MADD: variants seen among roughly 807,000 people sequenced by gnomAD.
The protein encoded by MADD is MAP kinase activating death domain, also known as MAP kinase-activating death domain protein.
MADD carries 109 observed loss-of-function variants against 176.7 expected under a neutral mutation model. That is an observed-to-expected ratio of 0.62 (90% CI 0.53 to 0.72). The LOEUF (loss-of-function observed/expected upper bound fraction) is 0.72, where lower values mean the gene tolerates loss of function less well. MADD is among the 30% of genes least tolerant of loss of function. The pLI is 0.00. For synonymous variants in MADD, 771 were observed against 771.3 expected (o/e 1.00, Z 0.01); for missense variants, 1,914 against 2,045.5 (o/e 0.94, Z 1.24).
At chr11:47,327,529 T>A (rs1343964901) in intron 31 of MADD, 1 of 985,266 alleles carries the variant, frequency 1.0e-6, no homozygotes, top group East Asian at 1.1e-4. Context: ...TCGAACCAGC[T>A]CCTCACACTG....
intron 25 of MADD, 134 bp downstream of exon 28, chr11:47,309,746 T>C: frequency 1.5e-6 from 1 of 652,328 alleles, no homozygotes; most frequent in Non-Finnish European, 2.7e-6. Flanking sequence ...ATTGAAAGTC[T>C]GAGGCCTCTC....
At chr11:47,300,037 T>G (rs1276713471) in intron 22 of MADD, among the ~76,000 whole-genome samples, 2 of 152,160 alleles carry the variant, frequency 1.3e-5, no homozygotes, top group African/African-American at 4.8e-5. Flanking sequence ...ATGACTTTTA[T>G]TGTTTTGAGG....
At chr11:47,327,603 G>T in intron 31 of MADD, 1 of 985,022 alleles carries the variant, frequency 1.0e-6, no homozygotes, top group Non-Finnish European at 1.2e-6. Flanking sequence ...CCTTCTCACC[G>T]GCTCACTGGA....
At chr11:47,290,567 CCTACT>C in intron 18 of MADD, 38 bp from the exon 20 acceptor site, 1 of 1,577,434 alleles carries the variant, frequency 6.3e-7, no homozygotes, top group Non-Finnish European at 8.7e-7. Flanking sequence ...CGCCTTGATT[CCTACT>C]CACTACTTCT....
intron 22 of MADD, among the ~76,000 whole-genome samples, chr11:47,308,011 A>G (rs1202496283): frequency 6.6e-6 from 1 of 152,234 alleles, no homozygotes; most frequent in African/African-American, 2.4e-5. Flanking sequence ...GAAGTAGCAG[A>G]TGAAGTTAGT....
At chr11:47,276,005 C>T (rs181204693) in exon 4 of MADD, 56 of 1,614,168 alleles carry the variant, frequency 3.5e-5, no homozygotes, top group Middle Eastern at 1.6e-4. Flanking sequence ...TCGATTGCTG[C>T]GCTCCCCAGT....
At chr11:47,290,644 T>C in exon 19 of MADD, 1 of 1,613,892 alleles carries the variant, frequency 6.2e-7, no homozygotes, top group Non-Finnish European at 8.5e-7. Context: ...CAACAGAAAG[T>C]GTAAATACCC....
At chr11:47,328,897 C>A in intron 32 of MADD, 149 bp from the exon 37 acceptor site, 1 of 935,714 alleles carries the variant, frequency 1.1e-6, no homozygotes, top group Non-Finnish European at 1.7e-6. Flanking sequence ...ATCCCCTCTC[C>A]CATGGGGACA....
chr11:47,324,959 T>G, intron 30 of MADD: 6 of 574,584 alleles, frequency 1.0e-5, no homozygotes, highest in East Asian at 3.0e-5. Flanking sequence ...GAGTCTAGAC[T>G]GGCCGATCTC....
intron 27 of MADD, among the ~76,000 whole-genome samples, chr11:47,316,910 A>G (rs1473823694): frequency 1.3e-5 from 2 of 148,626 alleles, no homozygotes; most frequent in African/African-American, 5.0e-5. Flanking sequence ...TGCCCAGATA[A>G]TTTTTCTATT....
intron 26 of MADD, 116 bp from the exon 30 acceptor site, chr11:47,315,104 A>C (rs2092339857): frequency 1.7e-6 from 1 of 572,238 alleles, no homozygotes; most frequent in East Asian, 3.0e-5. Context: ...AGTGGCCAGC[A>C]GATGAGACTG....
At chr11:47,304,336 T>C (rs976862641) in intron 22 of MADD, among the ~76,000 whole-genome samples, 10 of 151,808 alleles carry the variant, frequency 6.6e-5, no homozygotes, top group African/African-American at 2.4e-4. Context: ...GTTAAAGCAA[T>C]TCTCCTGCCT....
intron 4 of MADD, among the ~76,000 whole-genome samples, chr11:47,276,502 T>G (rs981820847): frequency 2.6e-5 from 4 of 152,176 alleles, no homozygotes; most frequent in Non-Finnish European, 5.9e-5. Flanking sequence ...GGATGGGCAG[T>G]ACAAGAACTA....
At chr11:47,281,728 G>T (rs1006426900) in exon 8 of MADD, 16 of 1,607,260 alleles carry the variant, frequency 1.0e-5, no homozygotes, top group Non-Finnish European at 1.4e-5. Context: ...TGGCAATGAT[G>T]TGGATTCTGT....
At chr11:47,286,635 G>T in intron 15 of MADD, 101 bp downstream of exon 15, 1 of 838,424 alleles carries the variant, frequency 1.2e-6, no homozygotes, top group South Asian at 1.6e-5. Context: ...CCTTTGACCT[G>T]GTTGTCGTCC....
intron 31 of MADD, chr11:47,327,078 C>T (rs1212243182): frequency 8.5e-7 from 1 of 1,177,874 alleles, no homozygotes; most frequent in Non-Finnish European, 1.1e-6. Context: ...AGTAGCACCA[C>T]CTCCCCGTGC....
chr11:47,296,940 A>G (rs997130512), intron 22 of MADD, among the ~76,000 whole-genome samples: 59 of 151,956 alleles, frequency 3.9e-4, no homozygotes, highest in African/African-American at 1.0e-3. Context: ...ATGCCTGGCT[A>G]ATTTTTTAGT....
At chr11:47,293,978 T>G (rs1253166275) in exon 20 of MADD, 1 of 1,613,614 alleles carries the variant, frequency 6.2e-7, no homozygotes, top group Non-Finnish European at 8.5e-7. Context: ...GACGTCTAGT[T>G]CCCAGGTTTG....
At chr11:47,273,828 C>G in exon 2 of MADD, 1 of 1,202,012 alleles carries the variant, frequency 8.3e-7, no homozygotes, top group Middle Eastern at 1.9e-4. Context: ...TCCTATTAGA[C>G]TTCGATTTTC....
Sources: allele counts gnomAD v4.1 joint callset (sites outside exome capture counted in the v4.1 genomes callset), GRCh38; gene constraint gnomAD v4.1.1; transcripts MANE v1.5; gene names NCBI Gene and HGNC (gene_info 2026-07-23, HGNC 2026-07-21).